Variants in AGBL4 observed in about 807,000 individuals in gnomAD.
AGBL4 encodes cytosolic carboxypeptidase 6.
A neutral mutation model predicts 66.4 loss-of-function variants in AGBL4; 58 were observed. The observed-to-expected ratio is 0.87, with a 90% CI of 0.71 to 1.09. AGBL4 has a LOEUF of 1.09. Among genes scored for constraint, AGBL4 ranks in the 50% least tolerant of loss-of-function variants. The pLI is 0.00. For missense variants in AGBL4, 579 were observed against 631.0 expected (o/e 0.92, Z 0.88); for synonymous variants, 234 against 222.9 (o/e 1.05, Z -0.44).
intron 3 of AGBL4, among the ~76,000 whole-genome samples, chr1:49,418,379 G>T (rs770632150): frequency 2.0e-5 from 3 of 152,112 alleles, no homozygotes; most frequent in Admixed American, 6.5e-5. Flanking sequence ...CAAGAGCTAT[G>T]GTTATAAAAA....
At chr1:48,648,131 T>C (rs1570123718) in intron 8 of AGBL4, among the ~76,000 whole-genome samples, 1 of 152,180 alleles carries the variant, frequency 6.6e-6, no homozygotes, top group African/African-American at 2.4e-5. Flanking sequence ...ACATTCATAA[T>C]GTGCTACCAA....
At chr1:49,006,069 G>A (rs1661768679) in intron 5 of AGBL4, among the ~76,000 whole-genome samples, 1 of 152,130 alleles carries the variant, frequency 6.6e-6, no homozygotes, top group South Asian at 2.1e-4. Context: ...CTCCCAGCGT[G>A]AGCGACGCAG....
chr1:49,381,268 G>C (rs1368364801), intron 3 of AGBL4, among the ~76,000 whole-genome samples: 3 of 152,190 alleles, frequency 2.0e-5, no homozygotes, highest in Admixed American at 6.5e-5. Flanking sequence ...CTGGCCATCA[G>C]AGAAATGCAA....
Position 48,534,068 on chromosome 1 carries a change from C to G in AGBL4, c.*105G>C. On this transcript the variant is annotated 3_prime_UTR_variant, in exon 14 of 14. Coordinates refer to ENST00000371839, the MANE Select transcript of AGBL4 (RefSeq NM_032785.4). ...ATCCCTTCCCTTTCACTAGCCTATG[C>G]ATTAATCCACAAATCCTTGGAAGCT... The G allele has an allele frequency of 6.7e-7, 1 of 1,495,374 alleles. No individual in the cohort carries two copies. The highest frequency in any genetic ancestry group is 9.1e-7 in the Non-Finnish European group (1 of 1,096,752). 92.6% of individuals were successfully genotyped at this position (1,495,374 alleles called of 1,614,324 possible).
intron 5 of AGBL4, among the ~76,000 whole-genome samples, chr1:49,043,274 T>A (rs1290783701): frequency 6.6e-6 from 1 of 152,180 alleles, no homozygotes; most frequent in Admixed American, 6.5e-5. Context: ...AATGGGCTCC[T>A]TTGTTCTCTG....
intron 3 of AGBL4, among the ~76,000 whole-genome samples, chr1:49,694,398 C>T (rs188848469): frequency 5.3e-5 from 8 of 152,114 alleles, no homozygotes; most frequent in Middle Eastern, 3.4e-3. Context: ...TGCCTTCTTG[C>T]GACAGATTTC....
At position 48,590,992 on chromosome 1, in the gene AGBL4, A is replaced by C; in HGVS notation, c.952-7T>G. 6.2e-7 allele frequency: 1 copy of C among 1,604,094 alleles called. No individual in the cohort carries two copies. Among genetic ancestry groups the C allele is most frequent in the Non-Finnish European group, 8.5e-7 (1 of 1,175,436 alleles). On this transcript the variant is annotated splice_region_variant and splice_polypyrimidine_tract_variant and intron_variant, in intron 9 of 13. Transcript: ENST00000371839. ...AAAACTCCAGGCTTGTTTTCTGTTG[A>C]GAGAAAGGATAACAAATGAGAAGTC...
At chr1:49,348,874 C>T (rs1212527831) in intron 3 of AGBL4, among the ~76,000 whole-genome samples, 1 of 152,178 alleles carries the variant, frequency 6.6e-6, no homozygotes, top group Non-Finnish European at 1.5e-5. Context: ...AGTAGGAACA[C>T]ACACGTCATA....
At chr1:49,849,480 C>CAT (rs1175948200) in intron 2 of AGBL4, among the ~76,000 whole-genome samples, 45 of 114,284 alleles carry the variant, frequency 3.9e-4, no homozygotes, top group African/African-American at 1.9e-3. Flanking sequence ...AGTATACATA[C>CAT]ACACACACAC....
intron 1 of AGBL4, among the ~76,000 whole-genome samples, chr1:49,873,696 T>A (rs1646895102): frequency 6.6e-6 from 1 of 152,058 alleles, no homozygotes; most frequent in African/African-American, 2.4e-5. Context: ...TCCAGCCCAC[T>A]TTTCCCCTTT....
chr1:48,896,178 C>G (rs972673407), intron 5 of AGBL4, among the ~76,000 whole-genome samples: 1 of 152,166 alleles, frequency 6.6e-6, no homozygotes, highest in African/African-American at 2.4e-5. Context: ...GGTACTCCCC[C>G]TCTAAATCAT....
At chr1:49,819,586 C>T (rs1358886799) in intron 2 of AGBL4, among the ~76,000 whole-genome samples, 1 of 152,054 alleles carries the variant, frequency 6.6e-6, no homozygotes, top group African/African-American at 2.4e-5. Flanking sequence ...AAAATAAATG[C>T]CACACTAACA....
At chr1:49,394,039 T>G (rs767905025) in intron 3 of AGBL4, among the ~76,000 whole-genome samples, 1 of 152,148 alleles carries the variant, frequency 6.6e-6, no homozygotes, top group East Asian at 1.9e-4. Context: ...CAAATTTCCC[T>G]TTTGATCTGA....
chr1:48,572,922 G>A (rs1404283687), intron 11 of AGBL4, among the ~76,000 whole-genome samples: 1 of 152,224 alleles, frequency 6.6e-6, no homozygotes, highest in African/African-American at 2.4e-5. Flanking sequence ...AGGAGCTGGA[G>A]AGAGTCCAGA....
chr1:49,762,941 A>T (rs1652451008), intron 2 of AGBL4, among the ~76,000 whole-genome samples: 1 of 152,132 alleles, frequency 6.6e-6, no homozygotes, highest in African/African-American at 2.4e-5. Context: ...GGCCTTATTT[A>T]AAAAATCCTT....
chr1:49,232,107 G>A (rs1650357655), intron 4 of AGBL4, among the ~76,000 whole-genome samples: 1 of 152,102 alleles, frequency 6.6e-6, no homozygotes, highest in Admixed American at 6.5e-5. Flanking sequence ...AATGCATACA[G>A]GTTTCCACTG....
chr1:48,586,614 T>A, intron 11 of AGBL4: 1 of 228,306 alleles, frequency 4.4e-6, no homozygotes, highest in Non-Finnish European at 8.8e-6. Flanking sequence ...ATGTTCAGGG[T>A]TAGAAGGAGT....
intron 3 of AGBL4, among the ~76,000 whole-genome samples, chr1:49,533,548 C>T (rs1194801890): frequency 6.6e-6 from 1 of 152,076 alleles, no homozygotes. Context: ...CAGGTCTCTT[C>T]CTGCATGGAG....
rs796967261 is a variant in AGBL4, at chr1:48,869,739, T to A, written c.595-2509A>T. Reference sequence around the variant, plus strand: ...CAGGCTCCCTCTTCTGGTGTAGAACTCCCTGAGAACCTGTAGCCAGCACAC... The same window carrying A: ...CAGGCTCCCTCTTCTGGTGTAGAACACCCTGAGAACCTGTAGCCAGCACAC... On this transcript the variant is annotated intron_variant, in intron 5 of 13. Transcript: ENST00000371839. Among the ~76,000 whole-genome samples the A allele has an allele frequency of 7.2e-5, 11 of 152,060 alleles. No individual in the cohort carries two copies. In the South Asian group the frequency reaches 1.9e-3, roughly 26 times the overall value.
Sources: allele counts gnomAD v4.1 joint callset (sites outside exome capture counted in the v4.1 genomes callset), GRCh38; gene constraint gnomAD v4.1.1; transcripts MANE v1.5; gene names NCBI Gene and HGNC (gene_info 2026-07-23, HGNC 2026-07-21).